The following GTF2H2C variants were observed in gnomAD, a reference collection of about 807,000 sequenced individuals.
The protein encoded by GTF2H2C is GTF2H2 family member C, also known as general transcription factor IIH subunit 2-like protein.
A neutral mutation model predicts 24.8 loss-of-function variants in GTF2H2C; 5 were observed. The ratio of observed to expected loss-of-function variants is 0.20; its 90% CI spans 0.11 to 0.42. The LOEUF is 0.42. Ranked by LOEUF, GTF2H2C falls within the 20% of genes least tolerant of loss-of-function variation. GTF2H2C has a pLI of 1.00. For synonymous variants in GTF2H2C, 14 were observed against 52.6 expected, an observed-to-expected ratio of 0.27 and a Z score of 3.18; for missense variants, 45 against 169.8, an observed-to-expected ratio of 0.27 and a Z score of 4.08.
At chr5:69,565,829 A>G (rs1449119500) in intron 3 of GTF2H2C, 28 of 415,854 alleles carry the variant, frequency 6.7e-5, no homozygotes, top group South Asian at 5.2e-4. Context: ...ATGCATGACT[A>G]TAATAGTTGG....
intron 1 of GTF2H2C, among the ~76,000 whole-genome samples, chr5:69,562,380 G>C (rs1205674682): frequency 6.6e-6 from 1 of 152,002 alleles, no homozygotes; most frequent in Non-Finnish European, 1.5e-5. Context: ...AGGAGTTTGA[G>C]ATCAGCCTGG....
chr5:69,573,161 C>CACAG (rs1771168253), intron 9 of GTF2H2C, among the ~76,000 whole-genome samples: 2 of 143,148 alleles, frequency 1.4e-5, no homozygotes, highest in Non-Finnish European at 3.1e-5. Context: ...CACACACACA[C>CACAG]ACACACACAC....
At chr5:69,573,213 T>C (rs1385978979) in intron 9 of GTF2H2C, among the ~76,000 whole-genome samples, 2 of 132,518 alleles carry the variant, frequency 1.5e-5, no homozygotes, top group Non-Finnish European at 3.2e-5. Context: ...CGAGACAGAG[T>C]CTTGCTCTGT....
At chr5:69,568,538 G>T (rs1338265695) in intron 8 of GTF2H2C, 1 of 136,946 alleles carries the variant, frequency 7.3e-6, no homozygotes, top group African/African-American at 5.0e-5. Flanking sequence ...TTGCTCTGTC[G>T]CCAGGCTAGA....
At chr5:69,562,176 A>T (rs1422829470) in intron 1 of GTF2H2C, among the ~76,000 whole-genome samples, 2 of 152,194 alleles carry the variant, frequency 1.3e-5, no homozygotes, top group African/African-American at 4.8e-5. Flanking sequence ...AAAGTTAGCC[A>T]GGTGTGGTGG....
At chr5:69,591,521 A>G (rs1404632809) in intron 16 of GTF2H2C, among the ~76,000 whole-genome samples, 5 of 151,582 alleles carry the variant, frequency 3.3e-5, no homozygotes, top group Admixed American at 6.6e-5. Context: ...GAATCTGTGT[A>G]TGAAGCTGCC....
Position 69,561,937 on chromosome 5 carries a change from G to T in GTF2H2C, c.-131-736G>T, listed in dbSNP as rs117044031. ...GGTTTGAGCCACTGTGCCCTGCGAA[G>T]AATTTGAGTTTAAAAACGTTGAGAA... On this transcript the variant is annotated intron_variant, in intron 1 of 16. Transcript: ENST00000380729. 4.9e-3 allele frequency among the ~76,000 whole-genome samples: 751 copies of T among 152,232 alleles called. 5 individuals are homozygous for T. The highest frequency in any genetic ancestry group is 6.9e-3 in the Non-Finnish European group (467 of 68,018).
chr5:69,563,593 A>T (rs1220589908), intron 2 of GTF2H2C, among the ~76,000 whole-genome samples: 3 of 151,892 alleles, frequency 2.0e-5, no homozygotes, highest in Admixed American at 2.0e-4. Context: ...TACATGGATA[A>T]ATTGCTTGTT....
intron 2 of GTF2H2C, among the ~76,000 whole-genome samples, chr5:69,563,489 A>G (rs1272670652): frequency 6.6e-6 from 1 of 152,016 alleles, no homozygotes; most frequent in Non-Finnish European, 1.5e-5. Context: ...CAGGGATTAC[A>G]GGGATGGAGC....
chr5:69,573,143 T>TACACAC (rs754356211), intron 9 of GTF2H2C, among the ~76,000 whole-genome samples: 12,484 of 90,390 alleles, frequency 0.14, 735 homozygotes, highest in African/African-American at 0.21. Context: ...ATCTATTATA[T>TACACAC]ATACACACAC....
rs1174187959 is a variant in GTF2H2C, at chr5:69,593,938, G to GAAAAAAAA, written c.*1759_*1766dup. On this transcript the variant is annotated 3_prime_UTR_variant, in exon 17 of 17. Transcript: ENST00000380729. Reference sequence around the variant, plus strand: ...GCGACAGAGCTAGACTCTGTCTCAAGAAAAAAAAAAAAAAAAAAAAAAAAA... The same window carrying GAAAAAAAA: ...GCGACAGAGCTAGACTCTGTCTCAAGAAAAAAAAAAAAAAAAAAAAAAAAAAAAAAAAA... 1.2e-4 allele frequency among the ~76,000 whole-genome samples: 5 copies of GAAAAAAAA among 41,766 alleles called. No individual in the cohort carries two copies. The highest frequency in any genetic ancestry group is 4.2e-4 in the African/African-American group (4 of 9,468). 27.4% of individuals were successfully genotyped at this position (41,766 alleles called of 152,430 possible).
chr5:69,579,820 C>G lies in GTF2H2C; in HGVS notation c.713C>G (p.Pro238Arg), dbSNP rs759878218. 1 of 1,607,814 alleles carries G rather than the reference C, an allele frequency of 6.2e-7. No individual in the cohort carries two copies. Reference sequence around the variant, plus strand: ...GAGTTGCTCACACATCATCTTAGTCCTCCTCCTGCTAGCTCAAGTTCTGAA... The same window carrying G: ...GAGTTGCTCACACATCATCTTAGTCGTCCTCCTGCTAGCTCAAGTTCTGAA... ...YKELLTHHLS[P>R]PPASSSSECS... is the part of the protein sequence containing the mutation. Residue 238 changes from proline to arginine, a missense_variant, in exon 12 of 17, where the codon CCT becomes CGT. Pro to Arg is a moderately radical substitution (Grantham distance 103). Coordinates refer to ENST00000380729, the MANE Select transcript of GTF2H2C (RefSeq NM_001376000.2).
At chr5:69,574,263 C>CT (rs1175492945) in intron 9 of GTF2H2C, among the ~76,000 whole-genome samples, 38 of 77,654 alleles carry the variant, frequency 4.9e-4, no homozygotes, top group Non-Finnish European at 5.9e-4. Context: ...TTTCAGATAA[C>CT]TTTTTTTTTT....
chr5:69,585,626 C>CATT lies in GTF2H2C; in HGVS notation c.856_858dup (p.Leu286dup). On this transcript the variant is annotated inframe_insertion, in exon 14 of 17. Transcript: ENST00000380729. ...GATGGCAATACTGAGCCAGGGCTTA[C>CATT]ATTAGGAGGCTATTTCTGCCCACAG... The CATT allele has an allele frequency of 6.4e-6, 1 of 156,682 alleles. No individual in the cohort carries two copies. The highest frequency in any genetic ancestry group is 4.7e-5 in the South Asian group (1 of 21,316). The allele number at this position is 156,682 out of a possible 1,614,324, so 9.7% of individuals were successfully genotyped here.
At chr5:69,574,352 T>G (rs2112222428) in intron 9 of GTF2H2C, among the ~76,000 whole-genome samples, 1 of 120,860 alleles carries the variant, frequency 8.3e-6, no homozygotes, top group Admixed American at 9.5e-5. Context: ...GCTCACTTCT[T>G]GCCTCTATAT....
chr5:69,568,426 A>G, intron 8 of GTF2H2C: 3 of 509,708 alleles, frequency 5.9e-6, no homozygotes, highest in Non-Finnish European at 6.9e-6. Context: ...AAATAATACT[A>G]CATTGAATAT....
At position 69,562,440 on chromosome 5, in the gene GTF2H2C, C is replaced by G. The variant is rs571968820; in HGVS notation, c.-131-233C>G. 1.6e-3 allele frequency among the ~76,000 whole-genome samples: 250 copies of G among 151,670 alleles called. 1 individual carries two copies. The highest frequency in any genetic ancestry group is 2.6e-3 in the Non-Finnish European group (180 of 67,960). ...ACAAAAATATAAAACATGGCAAAAC[C>G]CTGACTGTACTAAAAATACAAAAAT... On this transcript the variant is annotated intron_variant, in intron 1 of 16. Transcript: ENST00000380729.
At chr5:69,561,836 T>C (rs1770378832) in intron 1 of GTF2H2C, among the ~76,000 whole-genome samples, 2 of 150,592 alleles carry the variant, frequency 1.3e-5, no homozygotes, top group African/African-American at 4.9e-5. Flanking sequence ...AGAGACAAGG[T>C]TATTGCCCAG....
At chr5:69,577,430 C>T (rs1394719948) in intron 9 of GTF2H2C, among the ~76,000 whole-genome samples, 33 of 137,536 alleles carry the variant, frequency 2.4e-4, no homozygotes, top group Non-Finnish European at 4.7e-4. Flanking sequence ...CTTTTTCTTT[C>T]TTTTTTTTTT....
Sources: gnomAD v4.1 joint callset for allele counts (sites outside exome capture counted in the v4.1 genomes callset) on GRCh38, gnomAD v4.1.1 for gene constraint, MANE v1.5 for transcripts, NCBI Gene and HGNC (gene_info 2026-07-23, HGNC 2026-07-21) for gene names.